The following PDE8A variants were observed in gnomAD, a reference collection of about 807,000 sequenced individuals.
PDE8A encodes the protein phosphodiesterase 8A.
A neutral mutation model predicts 105.0 loss-of-function variants in PDE8A; 59 were observed. That is an observed-to-expected ratio of 0.56 (90% CI 0.46 to 0.70). The LOEUF (loss-of-function observed/expected upper bound fraction) is 0.70. Ranked by LOEUF, PDE8A falls within the 30% of genes least tolerant of loss-of-function variation. The probability of loss-of-function intolerance (pLI) is 0.00; values close to 1 mark genes in which losing one functional copy is unlikely to be tolerated. For missense variants in PDE8A, 1,014 were observed against 1,045.9 expected (o/e 0.97, Z 0.42); for synonymous variants, 355 against 371.9 (o/e 0.95, Z 0.52).
chr15:85,063,192 A>G (rs972731941), intron 1 of PDE8A: 2 of 152,204 alleles, frequency 1.3e-5, no homozygotes, highest in African/African-American at 2.4e-5. Context: ...TCTCATGGTT[A>G]AAAATATATG....
chr15:85,090,628 A>T (rs1419152869), intron 7 of PDE8A: 2 of 313,544 alleles, frequency 6.4e-6, no homozygotes, highest in Non-Finnish European at 1.3e-5. Flanking sequence ...GCTGAGGTCA[A>T]TGTGTGGAGG....
chr15:85,077,358 A>G (rs2081394280), intron 5 of PDE8A, among the ~76,000 whole-genome samples: 1 of 152,198 alleles, frequency 6.6e-6, no homozygotes, highest in Non-Finnish European at 1.5e-5. Flanking sequence ...GCTGCAAATG[A>G]GGCCTTAGGA....
intron 5 of PDE8A, 52 bp from the exon 6 acceptor site, chr15:85,083,504 C>T: frequency 9.2e-7 from 1 of 1,083,896 alleles, no homozygotes; most frequent in Middle Eastern, 2.0e-4. Context: ...TTTATTGGCA[C>T]AAATAAAGAA....
intron 11 of PDE8A, among the ~76,000 whole-genome samples, chr15:85,101,881 C>T (rs1163634756): frequency 1.3e-5 from 2 of 152,170 alleles, no homozygotes; most frequent in African/African-American, 2.4e-5. Flanking sequence ...GTGGAGAGCT[C>T]TACCTGTGAG....
chr15:85,012,838 C>G (rs942228495), intron 1 of PDE8A, among the ~76,000 whole-genome samples: 1 of 151,826 alleles, frequency 6.6e-6, no homozygotes, highest in Non-Finnish European at 1.5e-5. Flanking sequence ...TTATATAATA[C>G]CCAGTTATAC....
intron 1 of PDE8A, among the ~76,000 whole-genome samples, chr15:85,054,302 A>C (rs56052817): frequency 0.089 from 13,472 of 152,164 alleles, 1,647 homozygotes; most frequent in African/African-American, 0.28. Context: ...TGTCTCTGCC[A>C]GGCTTTGGTA....
chr15:85,039,164 G>A (rs188767929), intron 1 of PDE8A, among the ~76,000 whole-genome samples: 5 of 151,840 alleles, frequency 3.3e-5, no homozygotes, highest in Admixed American at 2.0e-4. Context: ...AGTGGCTCAT[G>A]CCTATAAGCC....
chr15:85,001,650 G>T (rs909742255), intron 1 of PDE8A, among the ~76,000 whole-genome samples: 1 of 152,166 alleles, frequency 6.6e-6, no homozygotes, highest in African/African-American at 2.4e-5. Context: ...ACCTTGTTGG[G>T]CACCTGAAGA....
chr15:85,070,521 C>A (rs973944751), intron 3 of PDE8A, among the ~76,000 whole-genome samples: 19 of 152,032 alleles, frequency 1.2e-4, no homozygotes, highest in Non-Finnish European at 2.8e-4. Context: ...AAGAGGGCTT[C>A]GCAAGAGGAT....
chr15:85,129,056 C>G (rs1380242244), intron 20 of PDE8A, among the ~76,000 whole-genome samples: 2 of 152,162 alleles, frequency 1.3e-5, no homozygotes, highest in East Asian at 3.8e-4. Context: ...TATGGTATAT[C>G]ACACTGATCT....
chr15:85,086,551 T>G (rs1329538990), intron 6 of PDE8A, among the ~76,000 whole-genome samples: 1 of 152,136 alleles, frequency 6.6e-6, no homozygotes, highest in Non-Finnish European at 1.5e-5. Flanking sequence ...ACAAGAGATA[T>G]TAATGGCCAA....
chr15:85,129,470 T>C (rs1460705736), intron 20 of PDE8A, among the ~76,000 whole-genome samples: 1 of 152,224 alleles, frequency 6.6e-6, no homozygotes, highest in Non-Finnish European at 1.5e-5. Flanking sequence ...GTAGGTTGCA[T>C]GTTTCTAGGA....
chr15:85,124,033 C>T (rs2082223555), intron 19 of PDE8A, among the ~76,000 whole-genome samples: 1 of 152,190 alleles, frequency 6.6e-6, no homozygotes, highest in Non-Finnish European at 1.5e-5. Flanking sequence ...CAGCAGCTAT[C>T]CTCTCTTGGT....
intron 1 of PDE8A, among the ~76,000 whole-genome samples, chr15:85,021,728 G>A (rs1252790910): frequency 6.6e-6 from 1 of 152,178 alleles, no homozygotes; most frequent in Non-Finnish European, 1.5e-5. Flanking sequence ...CAATTCTTAA[G>A]TACCTGTCCA....
intron 11 of PDE8A, among the ~76,000 whole-genome samples, chr15:85,106,661 A>C (rs1043373602): frequency 1.3e-5 from 2 of 152,178 alleles, no homozygotes; most frequent in African/African-American, 4.8e-5. Context: ...GTTGTGTCTC[A>C]GACAGAAGGA....
chr15:85,046,083 T>G (rs1292079790), intron 1 of PDE8A, among the ~76,000 whole-genome samples: 5 of 150,952 alleles, frequency 3.3e-5, no homozygotes, highest in Non-Finnish European at 5.9e-5. Flanking sequence ...TTTTTTTTTT[T>G]TTAAGACAGA....
intron 11 of PDE8A, among the ~76,000 whole-genome samples, chr15:85,103,679 G>A (rs1359185264): frequency 1.3e-5 from 2 of 152,246 alleles, no homozygotes; most frequent in Non-Finnish European, 2.9e-5. Context: ...ACCTGGGGAA[G>A]CTGAGCAATT....
At chr15:85,036,967 T>G (rs1014197836) in intron 1 of PDE8A, among the ~76,000 whole-genome samples, 5 of 152,028 alleles carry the variant, frequency 3.3e-5, no homozygotes, top group Admixed American at 3.3e-4. Flanking sequence ...ACCCCCAGCT[T>G]CTTCCCCAGT....
At position 85,132,379 on chromosome 15, in the gene PDE8A, C is replaced by T. The variant is rs374647884; in HGVS notation, c.2254-4155C>T. Among the ~76,000 whole-genome samples, 97 of 152,190 alleles carry T rather than the reference C, an allele frequency of 6.4e-4. 6 individuals carry two copies. The East Asian group carries it at 7.5e-3, about 12-fold the overall frequency. ...TCCCATAAATTCATTAGGTTCTATT[C>T]ACTTTTCTTCATTCTTTTTTCTTTC... is the stretch of plus-strand genomic sequence containing the variant. On this transcript the variant is annotated intron_variant, in intron 20 of 21. Transcript: ENST00000394553.
Sources: allele counts gnomAD v4.1 joint callset (sites outside exome capture counted in the v4.1 genomes callset), GRCh38; gene constraint gnomAD v4.1.1; transcripts MANE v1.5; gene names NCBI Gene and HGNC (gene_info 2026-07-23, HGNC 2026-07-21).